Variants in NLGN1 observed in about 807,000 individuals in gnomAD.
The protein encoded by NLGN1 is neuroligin-1.
NLGN1 carries 12 observed loss-of-function variants against 65.5 expected under a neutral mutation model. That is an observed-to-expected ratio of 0.18 (90% CI 0.12 to 0.30). The LOEUF (loss-of-function observed/expected upper bound fraction) is 0.30. Ranked by LOEUF, NLGN1 falls within the 10% of genes least tolerant of loss-of-function variation. The pLI, the probability that NLGN1 is intolerant of heterozygous loss-of-function variation, is 1.00. For missense variants in NLGN1, 750 were observed against 1,007.1 expected, an observed-to-expected ratio of 0.74 and a Z score of 3.46; for synonymous variants, 350 against 359.5, an observed-to-expected ratio of 0.97 and a Z score of 0.30.
At position 174,160,036 on chromosome 3, in the gene NLGN1, A is replaced by G. The variant is rs138463956; in HGVS notation, c.647-115279A>G. On this transcript the variant is annotated intron_variant, in intron 4 of 6. Transcript: ENST00000457714. ...CATTCCGTTTTTAAATATATTCCTGATTTTTAGCATGAATTCTTTTCCTTT... is the reference window on the plus strand; with the variant it reads ...CATTCCGTTTTTAAATATATTCCTGGTTTTTAGCATGAATTCTTTTCCTTT... 5.0e-3 allele frequency among the ~76,000 whole-genome samples: 763 copies of G among 151,654 alleles called. 9 individuals are homozygous for G. The highest frequency in any genetic ancestry group is 0.017 in the African/African-American group (687 of 41,432).
chr3:174,102,191 A>T (rs1390646105), intron 4 of NLGN1, among the ~76,000 whole-genome samples: 1 of 152,090 alleles, frequency 6.6e-6, no homozygotes, highest in Non-Finnish European at 1.5e-5. Context: ...TCTTAGGTTG[A>T]TATGTAGTAT....
intron 4 of NLGN1, among the ~76,000 whole-genome samples, chr3:173,829,335 G>A (rs1413518449): frequency 6.6e-6 from 1 of 152,132 alleles, no homozygotes; most frequent in Non-Finnish European, 1.5e-5. Flanking sequence ...GGTTAGAGGA[G>A]AGGTCAGGCT....
intron 2 of NLGN1, among the ~76,000 whole-genome samples, chr3:173,449,819 GC>G (rs1332822394): frequency 6.6e-6 from 1 of 152,102 alleles, no homozygotes; most frequent in Non-Finnish European, 1.5e-5. Context: ...TTATCTAATG[GC>G]CTTCTTTGTC....
chr3:173,798,565 A>G (rs1277401591), intron 3 of NLGN1, among the ~76,000 whole-genome samples: 1 of 152,146 alleles, frequency 6.6e-6, no homozygotes, highest in African/African-American at 2.4e-5. Context: ...GCATTTAAAC[A>G]GGGTCATGTT....
intron 4 of NLGN1, among the ~76,000 whole-genome samples, chr3:173,878,468 A>G (rs1051229872): frequency 6.6e-6 from 1 of 152,112 alleles, no homozygotes; most frequent in African/African-American, 2.4e-5. Flanking sequence ...TTCCTTGAAT[A>G]TATAAGACTT....
At chr3:174,166,244 T>C (rs1435781734) in intron 4 of NLGN1, among the ~76,000 whole-genome samples, 1 of 152,028 alleles carries the variant, frequency 6.6e-6, no homozygotes, top group Non-Finnish European at 1.5e-5. Flanking sequence ...GCTTTAGAGT[T>C]AGTTTTTTCT....
chr3:173,970,867 G>A (rs9290487), intron 4 of NLGN1, among the ~76,000 whole-genome samples: 3,690 of 152,200 alleles, frequency 0.024, 110 homozygotes, highest in African/African-American at 0.065. Flanking sequence ...ACTGAATACT[G>A]GCAGTAATGG....
intron 4 of NLGN1, among the ~76,000 whole-genome samples, chr3:174,051,628 G>T (rs1734909152): frequency 6.6e-6 from 1 of 152,056 alleles, no homozygotes; most frequent in Non-Finnish European, 1.5e-5. Flanking sequence ...ATAAATGAGG[G>T]CATGTCACAA....
chr3:174,207,447 G>C (rs1460008555), intron 4 of NLGN1, among the ~76,000 whole-genome samples: 1 of 152,138 alleles, frequency 6.6e-6, no homozygotes, highest in South Asian at 2.1e-4. Context: ...ACAGAATGCA[G>C]ATTTATTCTC....
intron 2 of NLGN1, among the ~76,000 whole-genome samples, chr3:173,560,764 A>T (rs1312000549): frequency 1.3e-5 from 2 of 152,170 alleles, no homozygotes; most frequent in African/African-American, 4.8e-5. Flanking sequence ...AAGCACCTTA[A>T]AAACAACATT....
At chr3:173,705,679 C>T (rs1052772043) in intron 3 of NLGN1, among the ~76,000 whole-genome samples, 5 of 151,872 alleles carry the variant, frequency 3.3e-5, no homozygotes, top group African/African-American at 1.2e-4. Context: ...AATAATTTAA[C>T]TTTTTTGTCA....
chr3:173,919,771 A>G (rs925158610), intron 4 of NLGN1, among the ~76,000 whole-genome samples: 14 of 150,998 alleles, frequency 9.3e-5, no homozygotes, highest in African/African-American at 3.5e-4. Context: ...AATGAAAAAC[A>G]TGCAAACAAA....
At chr3:173,920,229 G>C (rs1579194948) in intron 4 of NLGN1, among the ~76,000 whole-genome samples, 1 of 152,128 alleles carries the variant, frequency 6.6e-6, no homozygotes, top group East Asian at 1.9e-4. Context: ...TACTAGACTA[G>C]ATTACTGCAT....
chr3:173,623,665 G>T (rs888087597), intron 3 of NLGN1, among the ~76,000 whole-genome samples: 1 of 152,026 alleles, frequency 6.6e-6, no homozygotes, highest in East Asian at 1.9e-4. Context: ...TATTGTGAAG[G>T]GCGTTGAATG....
At chr3:173,502,095 A>G (rs960156639) in intron 2 of NLGN1, among the ~76,000 whole-genome samples, 1 of 152,220 alleles carries the variant, frequency 6.6e-6, no homozygotes, top group East Asian at 1.9e-4. Flanking sequence ...GTCACACTGT[A>G]ATATTTTTTT....
chr3:173,607,189 T>A (rs775123532), intron 3 of NLGN1, among the ~76,000 whole-genome samples: 1 of 151,966 alleles, frequency 6.6e-6, no homozygotes, highest in African/African-American at 2.4e-5. Context: ...CATTGTTCTT[T>A]GTATTGTTGG....
intron 4 of NLGN1, among the ~76,000 whole-genome samples, chr3:173,879,269 A>T (rs1055752368): frequency 6.6e-6 from 1 of 151,860 alleles, no homozygotes; most frequent in Non-Finnish European, 1.5e-5. Context: ...AAAATGTTTT[A>T]TTGAGTTCAG....
intron 4 of NLGN1, among the ~76,000 whole-genome samples, chr3:173,981,736 ATGATACCAAGTATATTTTC>A (rs1416382954): frequency 1.3e-5 from 2 of 152,146 alleles, no homozygotes; most frequent in African/African-American, 4.8e-5. Context: ...CATATTCATC[ATGATACCAAGTATATTTTC>A]TTACATATAA....
chr3:173,540,998 A>G (rs969901924), intron 2 of NLGN1, among the ~76,000 whole-genome samples: 1 of 152,192 alleles, frequency 6.6e-6, no homozygotes, highest in African/African-American at 2.4e-5. Context: ...GGGTAAAAAA[A>G]CAGGATGTAT....
Sources: gnomAD v4.1 joint callset for allele counts (sites outside exome capture counted in the v4.1 genomes callset) on GRCh38, gnomAD v4.1.1 for gene constraint, MANE v1.5 for transcripts, NCBI Gene and HGNC (gene_info 2026-07-23, HGNC 2026-07-21) for gene names.